Variants in TSHZ3 observed in about 807,000 individuals in gnomAD.
TSHZ3 encodes teashirt zinc finger homeobox 3.
A neutral mutation model predicts 64.5 loss-of-function variants in TSHZ3; 10 were observed. The ratio of observed to expected loss-of-function variants is 0.16; its 90% CI spans 0.10 to 0.26. The LOEUF (loss-of-function observed/expected upper bound fraction) is 0.26. Ranked by LOEUF, TSHZ3 falls within the 10% of genes least tolerant of loss-of-function variation. The pLI is 1.00. For missense variants in TSHZ3, 1,242 were observed against 1,421.7 expected (o/e 0.87, Z 2.03); for synonymous variants, 608 against 593.1 (o/e 1.03, Z -0.36).
chr19:31,258,642 G>A (rs193185077), intron 1 of TSHZ3, among the ~76,000 whole-genome samples: 30 of 152,308 alleles, frequency 2.0e-4, no homozygotes, highest in African/African-American at 6.7e-4. Flanking sequence ...TATCTCAAGT[G>A]CCTAACACAG....
chr19:31,239,970 C>T (rs569297102), intron 3 of TSHZ3, among the ~76,000 whole-genome samples: 11 of 152,072 alleles, frequency 7.2e-5, no homozygotes, highest in Non-Finnish European at 1.2e-4. Context: ...TCCAGTATGG[C>T]GCTTTCAGTA....
At chr19:31,230,692 CTTTTTTTTT>C (rs956399700) in intron 3 of TSHZ3, among the ~76,000 whole-genome samples, 1 of 94,116 alleles carries the variant, frequency 1.1e-5, no homozygotes, top group Non-Finnish European at 2.0e-5. Context: ...CCCATCACTG[CTTTTTTTTT>C]TTTTTTTTTT....
chr19:31,285,164 C>T (rs1976434030), intron 1 of TSHZ3, among the ~76,000 whole-genome samples: 1 of 152,124 alleles, frequency 6.6e-6, no homozygotes, highest in Admixed American at 6.5e-5. Context: ...CAAGCTGTGC[C>T]CACACTCAAA....
chr19:31,151,714 T>A (rs1006462849), exon 7 of TSHZ3, among the ~76,000 whole-genome samples: 2 of 152,210 alleles, frequency 1.3e-5, no homozygotes, highest in African/African-American at 2.4e-5. Flanking sequence ...AGAATCAGTT[T>A]CGTCCCTGAT....
intron 1 of TSHZ3, among the ~76,000 whole-genome samples, chr19:31,327,276 G>A (rs920504196): frequency 2.0e-5 from 3 of 152,206 alleles, no homozygotes; most frequent in Non-Finnish European, 4.4e-5. Flanking sequence ...CTGGGCTACC[G>A]CTGCACATTT....
chr19:31,180,059 G>A (rs1464469230), intron 5 of TSHZ3, among the ~76,000 whole-genome samples: 1 of 152,086 alleles, frequency 6.6e-6, no homozygotes, highest in Non-Finnish European at 1.5e-5. Flanking sequence ...TAAAGCCCCT[G>A]GTCCTGGCAA....
At chr19:31,311,644 A>G (rs10412617) in intron 1 of TSHZ3, among the ~76,000 whole-genome samples, 75,431 of 152,020 alleles carry the variant, frequency 0.5, 18,909 homozygotes, top group Middle Eastern at 0.63. Flanking sequence ...TGGGTGGAAC[A>G]TGAGGACTGG....
rs1175639619 is a variant in TSHZ3, at chr19:31,279,691, C to T, written c.102G>A (p.Glu34=). The change falls in exon 2 of 2, where the codon GAG becomes GAA. Residue 34 remains glutamate (E), a synonymous_variant. Transcript: ENST00000240587. This position sits in a 1 kb window ranked among gnomAD's most constrained non-coding sequence, Gnocchi z 6.4. Reference sequence around the variant, plus strand: ...CCGAGGGCTCTCCATCTGCCGTATGCTCCTCTGGGTCTAAACCTTCGTCCA... The same window carrying T: ...CCGAGGGCTCTCCATCTGCCGTATGTTCCTCTGGGTCTAAACCTTCGTCCA... The part of the protein sequence containing the change: ...ALVDEGLDPE[E]HTADGEPSAK... The T allele has an allele frequency of 1.3e-6, 2 of 1,567,806 alleles. 1 individual carries two copies. Among genetic ancestry groups the T allele is most frequent in the South Asian group, 2.4e-5 (2 of 83,636 alleles).
chr19:31,217,690 C>G (rs567548282), intron 4 of TSHZ3, among the ~76,000 whole-genome samples: 1 of 152,138 alleles, frequency 6.6e-6, no homozygotes, highest in African/African-American at 2.4e-5. Context: ...AGGGTTCGCT[C>G]TTGGTGTTGT....
chr19:31,267,763 G>C (rs1006740767), intron 1 of TSHZ3, among the ~76,000 whole-genome samples: 1 of 152,152 alleles, frequency 6.6e-6, no homozygotes, highest in Non-Finnish European at 1.5e-5. Flanking sequence ...CAGGATATCA[G>C]AGCACCTTCT....
At chr19:31,283,607 G>A (rs1568368923) in intron 1 of TSHZ3, among the ~76,000 whole-genome samples, 3 of 152,136 alleles carry the variant, frequency 2.0e-5, no homozygotes, top group East Asian at 1.9e-4. Flanking sequence ...GAATGATACG[G>A]GGCACTTGGG....
At chr19:31,225,098 C>G (rs1975442884) in intron 4 of TSHZ3, among the ~76,000 whole-genome samples, 1 of 152,182 alleles carries the variant, frequency 6.6e-6, no homozygotes, top group Admixed American at 6.5e-5. Flanking sequence ...CAGCAACCTC[C>G]TAAATCAGAA....
chr19:31,324,152 A>G (rs1409182540), intron 1 of TSHZ3, among the ~76,000 whole-genome samples: 1 of 152,212 alleles, frequency 6.6e-6, no homozygotes, highest in African/African-American at 2.4e-5. Flanking sequence ...CCATCAGTAG[A>G]GCAGGAAACC....
intron 3 of TSHZ3, among the ~76,000 whole-genome samples, chr19:31,233,515 T>C (rs1975566955): frequency 6.6e-6 from 1 of 152,188 alleles, no homozygotes; most frequent in South Asian, 2.1e-4. Context: ...GCATTGCAAA[T>C]ACTGTCTCCC....
intron 5 of TSHZ3, among the ~76,000 whole-genome samples, chr19:31,203,290 C>A (rs1394074599): frequency 1.3e-5 from 2 of 152,018 alleles, no homozygotes; most frequent in African/African-American, 4.8e-5. Context: ...GTCGGTGTGT[C>A]CAAAGACCAG....
intron 1 of TSHZ3, among the ~76,000 whole-genome samples, chr19:31,248,242 A>G (rs916322205): frequency 1.3e-5 from 2 of 152,228 alleles, no homozygotes; most frequent in Non-Finnish European, 2.9e-5. Context: ...AAGTCATATC[A>G]GTGTGATACA....
chr19:31,203,367 A>G (rs1448458691), intron 5 of TSHZ3, among the ~76,000 whole-genome samples: 4 of 152,118 alleles, frequency 2.6e-5, no homozygotes, highest in Non-Finnish European at 5.9e-5. Context: ...CATTGGGTGG[A>G]TATGGACTTT....
At chr19:31,332,282 G>C (rs988765538) in intron 1 of TSHZ3, among the ~76,000 whole-genome samples, 1 of 152,048 alleles carries the variant, frequency 6.6e-6, no homozygotes, top group Non-Finnish European at 1.5e-5. Flanking sequence ...GCTCCCACTC[G>C]CTCTGCCACG....
chr19:31,290,586 C>T (rs761572229), intron 1 of TSHZ3, among the ~76,000 whole-genome samples: 6 of 152,128 alleles, frequency 3.9e-5, no homozygotes, highest in Non-Finnish European at 7.4e-5. Flanking sequence ...CAAGTCTTCT[C>T]CATCTATCCA....
Sources: allele counts gnomAD v4.1 joint callset (sites outside exome capture counted in the v4.1 genomes callset), GRCh38; gene constraint gnomAD v4.1.1; non-coding constraint Gnocchi (gnomAD v3.1); transcripts MANE v1.5; gene names NCBI Gene and HGNC (gene_info 2026-07-23, HGNC 2026-07-21).